Variants in RASAL3 observed in about 807,000 individuals in gnomAD.
RASAL3 encodes RAS protein activator like 3.
A neutral mutation model predicts 105.5 loss-of-function variants in RASAL3; 74 were observed. That is an observed-to-expected ratio of 0.70 (90% CI 0.58 to 0.85). The LOEUF (loss-of-function observed/expected upper bound fraction) is 0.85, where lower values mean the gene tolerates loss of function less well. Among genes scored for constraint, RASAL3 ranks in the 40% least tolerant of loss-of-function variants. The pLI is 0.00. For missense variants in RASAL3, 1,352 were observed against 1,392.0 expected (o/e 0.97, Z 0.46); for synonymous variants, 579 against 591.6 (o/e 0.98, Z 0.31).
chr19:15,460,259 C>G lies in RASAL3; in HGVS notation c.607-1G>C. 6 of 1,606,598 alleles carry G rather than the reference C, an allele frequency of 3.7e-6. No individual in the cohort carries two copies. The highest frequency in any genetic ancestry group is 5.1e-6 in the Non-Finnish European group (6 of 1,176,498). ...TCTCTTTCAGCCTCTTGAGCAACCC[C>G]TGTGGGGAAGGGAATGTCAGCTGGA... is the stretch of plus-strand genomic sequence containing the variant. On this transcript the variant is annotated splice_acceptor_variant, in intron 5 of 17. Coordinates refer to ENST00000343625, the MANE Select transcript of RASAL3 (RefSeq NM_022904.3). LOFTEE classifies it high-confidence loss of function.
Position 15,453,442 on chromosome 19 carries a change from T to C in RASAL3, c.2335A>G (p.Thr779Ala). The C allele has an allele frequency of 4.5e-6, 7 of 1,538,606 alleles. No homozygotes were observed. The highest frequency in any genetic ancestry group is 6.1e-6 in the Non-Finnish European group (7 of 1,154,314). Residue 779 changes from threonine to alanine, a missense_variant, in exon 15 of 18, where the codon ACC becomes GCC. Physicochemically the swap from Thr to Ala is moderately conservative, Grantham distance 58. Around this residue, in one of 3 missense-constraint regions of RASAL3, gnomAD observed 920 missense variants for 919.6 expected, o/e 1.00. Coordinates refer to ENST00000343625, the MANE Select transcript of RASAL3 (RefSeq NM_022904.3). The surrounding 1 kb of genome is among the most constrained non-coding windows in gnomAD (Gnocchi z 4.2). ...FLAPRDLPKH[T>A]PLISKSQSLR... ...GACTGGCTCTTGGAGATGAGAGGGG[T>C]GTGCTTGGGGAGGTCCCGGGGGGCC...
chr19:15,462,347 G>T lies in RASAL3; in HGVS notation c.329-740C>A, dbSNP rs182380536. Among the ~76,000 whole-genome samples, 34 of 152,024 alleles carry T rather than the reference G, an allele frequency of 2.2e-4. 1 individual carries two copies. Among genetic ancestry groups the T allele is most frequent in the Non-Finnish European group, 1.5e-4 (10 of 68,022 alleles). ...ACTAAAAATACAAAATTAGCCAGGC[G>T]TGGTGGCACATGCCTGTAATCCCAG... On this transcript the variant is annotated intron_variant, in intron 2 of 17. Coordinates refer to ENST00000343625, the MANE Select transcript of RASAL3 (RefSeq NM_022904.3).
intron 6 of RASAL3, 95 bp from the exon 7 acceptor site, chr19:15,458,750 C>G: frequency 6.8e-7 from 1 of 1,466,062 alleles, no homozygotes; most frequent in Non-Finnish European, 9.1e-7. Flanking sequence ...GACTTCAACC[C>G]AATTCGGATC....
In RASAL3 at chr19:15,456,921, CA is replaced by C. The variant is rs551380198; in HGVS notation, c.1432-276del. 6 of 541,258 alleles carry C rather than the reference CA, an allele frequency of 1.1e-5. No individual in the cohort carries two copies. The South Asian group carries it at 1.3e-4, about 12-fold the overall frequency. 33.5% of individuals were successfully genotyped at this position (541,258 alleles called of 1,614,324 possible). On this transcript the variant is annotated intron_variant, in intron 9 of 17. Transcript: ENST00000343625. This position sits in a 1 kb window ranked among gnomAD's most constrained non-coding sequence, Gnocchi z 4.4. ...CAGCTGAAGCTTAGGCTCCGCTCTT[CA>C]AGGTGTCCCGCCCCTTATGGGTGAT...
chr19:15,462,184 C>T (rs1970532056), intron 2 of RASAL3, among the ~76,000 whole-genome samples: 1 of 151,962 alleles, frequency 6.6e-6, no homozygotes, highest in Admixed American at 6.6e-5. Flanking sequence ...AAGACCCTGT[C>T]TTTAAAAAAT....
rs1356083691 is a variant in RASAL3, at chr19:15,453,583, C to A, written c.2280-86G>T. 2 of 1,324,966 alleles carry A rather than the reference C, an allele frequency of 1.5e-6. No homozygotes were observed. Among genetic ancestry groups the A allele is most frequent in the East Asian group, 3.1e-5 (1 of 32,384 alleles). 82.1% of individuals were successfully genotyped at this position (1,324,966 alleles called of 1,614,324 possible). A position where few individuals can be genotyped will look rare whatever the true frequency, so the allele number is the denominator to read the frequency against. On this transcript the variant is annotated intron_variant, in intron 14 of 17. Transcript: ENST00000343625. This position sits in a 1 kb window ranked among gnomAD's most constrained non-coding sequence, Gnocchi z 4.2. ...CCTGACCAGAAGTGACCTCACCCCC[C>A]ACGTGAACTTGTCCTTTCTTTTTTT...
chr19:15,454,237 TG>T lies in RASAL3; in HGVS notation c.2190del (p.Thr731ProfsTer112). 1 of 1,565,080 alleles carries T rather than the reference TG, an allele frequency of 6.4e-7. No homozygotes were observed. The highest frequency in any genetic ancestry group is 8.7e-7 in the Non-Finnish European group (1 of 1,154,978). On this transcript the variant is annotated frameshift_variant, in exon 14 of 18. Transcript: ENST00000343625. LOFTEE classifies it high-confidence loss of function. ...QTTRDTLEPL[P>X]TILRAIEEGQ... Reference sequence around the variant, plus strand: ...CCCTCCTCAATGGCTCGCAGGATGGTGGGCAGTGGTTCCAGGGTGTCTCGGG... The same window carrying T: ...CCCTCCTCAATGGCTCGCAGGATGGTGGCAGTGGTTCCAGGGTGTCTCGGG...
rs1483993548 is a variant in RASAL3, at chr19:15,453,389, ACT to A, written c.2386_2387del (p.Ser796LeufsTer107). ...QSLRSVRRSE[S>X]WARPRPDEER... ...CTTCGTCCGGCCGTGGCCGGGCCCA[ACT>A]CTCTGAGCGGCGAACGCTGCGCAGA... On this transcript the variant is annotated frameshift_variant, in exon 15 of 18. Coordinates refer to ENST00000343625, the MANE Select transcript of RASAL3 (RefSeq NM_022904.3). LOFTEE classifies it high-confidence loss of function. The surrounding 1 kb of genome is among the most constrained non-coding windows in gnomAD (Gnocchi z 4.2). The A allele has an allele frequency of 2.7e-6, 4 of 1,476,256 alleles. No homozygotes were observed. The highest frequency in any genetic ancestry group is 1.5e-5 in the African/African-American group (1 of 67,064). 91.4% of individuals were successfully genotyped at this position (1,476,256 alleles called of 1,614,324 possible).
rs756715519 is a variant in RASAL3, at chr19:15,461,281, G to A, written c.481C>T (p.Arg161Trp). The A allele has an allele frequency of 6.2e-6, 10 of 1,613,258 alleles. No homozygotes were observed. Among genetic ancestry groups the A allele is most frequent in the Middle Eastern group, 1.6e-4 (1 of 6,084 alleles). ...GGEEEGPRRPRVGSASSEGSI... is the reference protein window; with the variant it reads ...GGEEEGPRRPWVGSASSEGSI... ...CCCTCGGAGCTAGCACTTCCCACCC[G>A]GGGCCTTCGAGGACCCTGTTCTCCC... is the stretch of plus-strand genomic sequence containing the variant. The change falls in exon 4 of 18, where the codon CGG (arginine) becomes TGG (tryptophan). Residue 161 changes from arginine (R) to tryptophan (W), a missense_variant. Arg to Trp is a moderately radical substitution (Grantham distance 101, BLOSUM62 -3). Coordinates refer to ENST00000343625, the MANE Select transcript of RASAL3 (RefSeq NM_022904.3).
chr19:15,458,962 T>C (rs2145479099), intron 6 of RASAL3, among the ~76,000 whole-genome samples: 1 of 145,962 alleles, frequency 6.9e-6, no homozygotes, highest in East Asian at 2.0e-4. Context: ...ATTTATTTAT[T>C]TGAGACAGAG....
chr19:15,458,119 G>T, intron 8 of RASAL3: 1 of 631,354 alleles, frequency 1.6e-6, no homozygotes, highest in African/African-American at 1.8e-5. Flanking sequence ...GGGTGCATAT[G>T]GGGCCGGGAG....
intron 16 of RASAL3, 119 bp from the exon 17 acceptor site, chr19:15,452,227 A>G (rs1970173559): frequency 4.2e-6 from 4 of 956,704 alleles, no homozygotes; most frequent in Non-Finnish European, 3.3e-6. Flanking sequence ...GCTTGTCCAG[A>G]CTGAGGGGCG....
At chr19:15,460,554 T>C (rs1006935870) in intron 5 of RASAL3, among the ~76,000 whole-genome samples, 1 of 152,052 alleles carries the variant, frequency 6.6e-6, no homozygotes, top group Non-Finnish European at 1.5e-5. Flanking sequence ...TACAGGTGAA[T>C]GTTACCATGT....
chr19:15,456,161 T>C lies in RASAL3; in HGVS notation c.1664A>G (p.Gln555Arg), dbSNP rs1970310342. Residue 555 changes from glutamine (Q) to arginine (R), a missense_variant, in exon 11 of 18, where the codon CAG becomes CGG. This residue lies in a region of RASAL3 where 920 missense variants were observed against 919.6 expected (regional missense o/e 1.00). Transcript: ENST00000343625. The surrounding 1 kb of genome is among the most constrained non-coding windows in gnomAD (Gnocchi z 4.4). ...KCPASELPEH[Q>R]ARLRNSCEEV... ...CTCGCAGCTGTTCCGAAGTCTGGCC[T>C]GGTGCTCTGGCAGCTCCGAGGCTGG... The C allele has an allele frequency of 1.9e-6, 3 of 1,613,828 alleles. No homozygotes were observed. The highest frequency in any genetic ancestry group is 2.5e-6 in the Non-Finnish European group (3 of 1,179,824).
chr19:15,460,982 C>A, intron 5 of RASAL3, 78 bp downstream of exon 5: 11 of 1,361,378 alleles, frequency 8.1e-6, no homozygotes, highest in South Asian at 1.2e-5. Context: ...GATCACCCAG[C>A]AAGAGTGCCC....
rs1970514361 is a variant in RASAL3, at chr19:15,461,605, G to C, written c.331C>G (p.Leu111Val). The C allele has an allele frequency of 6.5e-7, 1 of 1,528,276 alleles. No individual in the cohort carries two copies. The highest frequency in any genetic ancestry group is 2.3e-5 in the East Asian group (1 of 42,606). The allele number at this position is 1,528,276 out of a possible 1,614,324, so 94.7% of individuals were successfully genotyped here. A position where few individuals can be genotyped will look rare whatever the true frequency, so the allele number is the denominator to read the frequency against. The change falls in exon 3 of 18, where the codon CTG becomes GTG. Residue 111 changes from leucine (L) to valine (V), a missense_variant and splice_region_variant. Around this residue, in one of 3 missense-constraint regions of RASAL3, gnomAD observed 344 missense variants for 339.6 expected, o/e 1.01. Transcript: ENST00000343625. ...GGCTCCAGCTCTGGCTCCGGCTCCA[G>C]CTCTGGGAAGAAGAGGAGGCACTGG... is the stretch of plus-strand genomic sequence containing the variant. ...DPEPEQEAPELEPEPELEPPT... is the reference protein window; with the variant it reads ...DPEPEQEAPEVEPEPELEPPT...
In RASAL3 at chr19:15,457,666, C is replaced by A; in HGVS notation, c.1057G>T (p.Glu353Ter). ...RAGPGQLFWA[E>*]RFHFEALPPA... ...GGCAGCGCCTCGAAGTGGAAGCGCT[C>A]GGCCCAGAAGAGCTGGCCTGGGCCG... Residue 353 changes from glutamate to a stop codon, truncating the protein, a stop_gained, in exon 9 of 18, where the codon GAG (glutamate) becomes TAG (stop). Coordinates refer to ENST00000343625, the MANE Select transcript of RASAL3 (RefSeq NM_022904.3). LOFTEE classifies it high-confidence loss of function. This position sits in a 1 kb window ranked among gnomAD's most constrained non-coding sequence, Gnocchi z 8.6. The A allele has an allele frequency of 7.0e-7, 1 of 1,435,944 alleles. No homozygotes were observed. The highest frequency in any genetic ancestry group is 3.2e-5 in the East Asian group (1 of 30,814). 89.0% of individuals were successfully genotyped at this position (1,435,944 alleles called of 1,614,324 possible). A position where few individuals can be genotyped will look rare whatever the true frequency, so the allele number is the denominator to read the frequency against.
chr19:15,455,606 A>G (rs1420959908), intron 11 of RASAL3, among the ~76,000 whole-genome samples: 1 of 152,190 alleles, frequency 6.6e-6, no homozygotes, highest in Non-Finnish European at 1.5e-5. Context: ...GATGCAGCAA[A>G]CGAAACTTCA....
At position 15,458,594 on chromosome 19, in the gene RASAL3, C is replaced by T. The variant is rs772421463; in HGVS notation, c.724G>A (p.Ala242Thr). The T allele has an allele frequency of 1.1e-5, 17 of 1,613,586 alleles. No individual in the cohort carries two copies. The Admixed American group carries it at 2.7e-4, about 25-fold the overall frequency. ...GGCCAGATCCGCACATCCCGCTCGG[C>T]ACCCAGGTCCAGTTCAGAGAGTGTG... ...LATLSELDLGAERDVRIWPLH... is the reference protein window; with the variant it reads ...LATLSELDLGTERDVRIWPLH... Residue 242 changes from alanine to threonine, a missense_variant, in exon 7 of 18, where the codon GCC (alanine) becomes ACC (threonine). Coordinates refer to ENST00000343625, the MANE Select transcript of RASAL3 (RefSeq NM_022904.3).
Sources: gnomAD v4.1 joint callset for allele counts (sites outside exome capture counted in the v4.1 genomes callset) on GRCh38, gnomAD v4.1.1 for gene constraint, gnomAD v4.1.1 regional missense constraint, Gnocchi (gnomAD v3.1) non-coding constraint, MANE v1.5 for transcripts, NCBI Gene and HGNC (gene_info 2026-07-23, HGNC 2026-07-21) for gene names.